The following EHD4 variants were observed in gnomAD, a reference collection of about 807,000 sequenced individuals.
The protein encoded by EHD4 is EH domain-containing protein 4.
A neutral mutation model predicts 51.0 loss-of-function variants in EHD4; 37 were observed. That is an observed-to-expected ratio of 0.73 (90% CI 0.56 to 0.95). The LOEUF (loss-of-function observed/expected upper bound fraction) is 0.95, where lower values mean the gene tolerates loss of function less well. Among genes scored for constraint, EHD4 ranks in the 40% least tolerant of loss-of-function variants. The pLI, the probability that EHD4 is intolerant of heterozygous loss-of-function variation, is 0.00. For synonymous variants in EHD4, 297 were observed against 317.3 expected (o/e 0.94, Z 0.68); for missense variants, 632 against 733.1 (o/e 0.86, Z 1.59).
intron 1 of EHD4, among the ~76,000 whole-genome samples, chr15:41,962,719 G>C (rs960556149): frequency 6.6e-6 from 1 of 151,974 alleles, no homozygotes; most frequent in Admixed American, 6.6e-5. Flanking sequence ...GGGAGGTGGG[G>C]GGCGCCTCTG....
At position 41,900,897 on chromosome 15, in the gene EHD4, C is replaced by T. The variant is rs1316573055; in HGVS notation, c.1374G>A (p.Leu458=). The change falls in exon 6 of 6, where the codon CTG becomes CTA. Residue 458 remains leucine (L), a synonymous_variant. Transcript: ENST00000220325. This position sits in a 1 kb window ranked among gnomAD's most constrained non-coding sequence, Gnocchi z 4.8. The part of the protein sequence containing the change: ...KPVYDELFYT[L]SPINGKISGV... ...CTGATATCTTGCCATTGATGGGCGA[C>T]AGAGTGTAGAAGAGCTCGTCGTAGA... 13 of 1,614,180 alleles carry T rather than the reference C, an allele frequency of 8.1e-6. No individual in the cohort carries two copies. In the South Asian group the frequency reaches 1.3e-4, roughly 16 times the overall value.
At chr15:41,920,753 C>T (rs2067619422) in intron 3 of EHD4, among the ~76,000 whole-genome samples, 1 of 152,196 alleles carries the variant, frequency 6.6e-6, no homozygotes, top group Non-Finnish European at 1.5e-5. Flanking sequence ...TAGATCTTCA[C>T]TTGTCAACAC....
chr15:41,952,208 G>A (rs555700483), intron 2 of EHD4, among the ~76,000 whole-genome samples: 3 of 152,292 alleles, frequency 2.0e-5, no homozygotes, highest in South Asian at 4.1e-4. Flanking sequence ...CTGGAGCTGC[G>A]CGATGAGGCG....
chr15:41,909,156 G>GAGGCCTTGACAGC (rs1301724829), intron 5 of EHD4, among the ~76,000 whole-genome samples: 1 of 152,356 alleles, frequency 6.6e-6, no homozygotes, highest in African/African-American at 2.4e-5. Context: ...CAACTCAAGA[G>GAGGCCTTGACAGC]AGGCCTTGAC....
Position 41,909,880 on chromosome 15 carries a change from C to T in EHD4, c.925-17G>A, listed in dbSNP as rs201399185. On this transcript the variant is annotated splice_polypyrimidine_tract_variant and intron_variant, in intron 4 of 5. Coordinates refer to ENST00000220325, the MANE Select transcript of EHD4 (RefSeq NM_139265.4). Reference sequence around the variant, plus strand: ...GGCATGCACCTGGAGGGGTATAGATCAGGCAGGGAAGTGTCATTTAGAATT... The same window carrying T: ...GGCATGCACCTGGAGGGGTATAGATTAGGCAGGGAAGTGTCATTTAGAATT... 110 of 1,613,862 alleles carry T rather than the reference C, an allele frequency of 6.8e-5. 1 individual carries two copies. In the East Asian group the frequency reaches 2.3e-3, roughly 34 times the overall value.
intron 1 of EHD4, among the ~76,000 whole-genome samples, chr15:41,965,615 C>T (rs1335267104): frequency 6.6e-6 from 1 of 152,194 alleles, no homozygotes; most frequent in Non-Finnish European, 1.5e-5. Context: ...GAGATTTCGA[C>T]TCAGGAGGTC....
chr15:41,939,016 T>TA (rs1162117425), intron 3 of EHD4, among the ~76,000 whole-genome samples: 2 of 152,180 alleles, frequency 1.3e-5, no homozygotes, highest in Non-Finnish European at 2.9e-5. Context: ...GCCAGCATGA[T>TA]AAGAGGTCGA....
At chr15:41,937,672 A>G (rs2067741003) in intron 3 of EHD4, among the ~76,000 whole-genome samples, 1 of 152,204 alleles carries the variant, frequency 6.6e-6, no homozygotes, top group East Asian at 1.9e-4. Context: ...GACATCTCTA[A>G]GTGTTCTCTC....
intron 5 of EHD4, among the ~76,000 whole-genome samples, chr15:41,904,128 G>A (rs954060769): frequency 6.6e-6 from 1 of 152,238 alleles, no homozygotes; most frequent in African/African-American, 2.4e-5. Flanking sequence ...CCTTAAGAAT[G>A]AGCCTGCGCT....
At position 41,900,916 on chromosome 15, in the gene EHD4, T is replaced by C. The variant is rs1322756380; in HGVS notation, c.1355A>G (p.Asp452Gly). Reference protein sequence around the residue: ...WVVAKDKPVYDELFYTLSPIN... With the variant: ...WVVAKDKPVYGELFYTLSPIN... Reference sequence around the variant, plus strand: ...GGGCGACAGAGTGTAGAAGAGCTCGTCGTAGACGGGCTTGTCTTTGGCCAC... The same window carrying C: ...GGGCGACAGAGTGTAGAAGAGCTCGCCGTAGACGGGCTTGTCTTTGGCCAC... The change falls in exon 6 of 6, where the codon GAC (aspartate) becomes GGC (glycine). Residue 452 changes from aspartate to glycine, a missense_variant. By Grantham distance (94) the Asp-to-Gly change is moderately conservative (BLOSUM62 -1). Transcript: ENST00000220325. This position sits in a 1 kb window ranked among gnomAD's most constrained non-coding sequence, Gnocchi z 4.8. The C allele has an allele frequency of 1.2e-6, 2 of 1,614,092 alleles. No individual in the cohort carries two copies. Among genetic ancestry groups the C allele is most frequent in the Admixed American group, 1.7e-5 (1 of 60,020 alleles).
rs1209950887 is a variant in EHD4 at position 41,902,457 on chromosome 15, G to A, written c.1090-1276C>T. Among the ~76,000 whole-genome samples, 3 of 152,186 alleles carry A rather than the reference G, an allele frequency of 2.0e-5. No homozygotes were observed. The East Asian group carries it at 5.8e-4, about 29-fold the overall frequency. ...CCCTGTTCTGGGGCTTGGGGATACAGAATAAATATGAAAAGCCATAATTCC... is the reference window on the plus strand; with the variant it reads ...CCCTGTTCTGGGGCTTGGGGATACAAAATAAATATGAAAAGCCATAATTCC... On this transcript the variant is annotated intron_variant, in intron 5 of 5. Transcript: ENST00000220325.
intron 5 of EHD4, among the ~76,000 whole-genome samples, chr15:41,909,324 T>TCAGGG (rs1465821294): frequency 1.3e-5 from 2 of 152,142 alleles, no homozygotes; most frequent in Non-Finnish European, 2.9e-5. Context: ...GTGAGGCAGG[T>TCAGGG]CAGGGCAGGG....
At chr15:41,956,466 T>C (rs891599735) in intron 1 of EHD4, among the ~76,000 whole-genome samples, 5 of 152,256 alleles carry the variant, frequency 3.3e-5, no homozygotes, top group Non-Finnish European at 4.4e-5. Flanking sequence ...TACTTTCTGA[T>C]GTTTCATTCC....
intron 2 of EHD4, among the ~76,000 whole-genome samples, chr15:41,949,785 C>A (rs1255357567): frequency 6.6e-6 from 1 of 152,042 alleles, no homozygotes; most frequent in Non-Finnish European, 1.5e-5. Context: ...AAAATATACA[C>A]ATTACCATTT....
intron 3 of EHD4, chr15:41,942,776 C>G (rs1227076068): frequency 3.4e-6 from 1 of 292,142 alleles, no homozygotes. Flanking sequence ...CCAACACCCC[C>G]GAGGCCAAGC....
At chr15:41,912,305 A>G (rs78416710) in intron 4 of EHD4, among the ~76,000 whole-genome samples, 2,138 of 152,192 alleles carry the variant, frequency 0.014, 21 homozygotes, top group Middle Eastern at 0.041. Context: ...GTCTCCTGTT[A>G]CGCTGCCTCT....
At chr15:41,913,331 C>T (rs1004577817) in intron 4 of EHD4, among the ~76,000 whole-genome samples, 12 of 152,174 alleles carry the variant, frequency 7.9e-5, no homozygotes, top group African/African-American at 2.7e-4. Context: ...TGGTGGTTGT[C>T]CCTGGGGAAG....
intron 4 of EHD4, among the ~76,000 whole-genome samples, chr15:41,911,557 C>A (rs57854977): frequency 6.6e-6 from 1 of 152,292 alleles, no homozygotes; most frequent in African/African-American, 2.4e-5. Context: ...CAGGGAGAAC[C>A]AGCTGCTCAC....
At chr15:41,928,055 A>T (rs1285002597) in intron 3 of EHD4, among the ~76,000 whole-genome samples, 3 of 152,178 alleles carry the variant, frequency 2.0e-5, no homozygotes, top group Non-Finnish European at 4.4e-5. Context: ...TTATAAATAC[A>T]CTTCGAAAAG....
Sources: gnomAD v4.1 joint callset for allele counts (sites outside exome capture counted in the v4.1 genomes callset) on GRCh38, gnomAD v4.1.1 for gene constraint, Gnocchi (gnomAD v3.1) non-coding constraint, MANE v1.5 for transcripts, NCBI Gene and HGNC (gene_info 2026-07-23, HGNC 2026-07-21) for gene names.